The following ZNF568 variants were observed in gnomAD, a reference collection of about 807,000 sequenced individuals.
ZNF568 encodes the protein p53 inhibitor of SCO2 activation.
A neutral mutation model predicts 18.1 loss-of-function variants in ZNF568; 11 were observed. The ratio of observed to expected loss-of-function variants is 0.61; its 90% confidence interval spans 0.38 to 1.00. The LOEUF is 1.00. Among genes scored for constraint, ZNF568 ranks in the 50% least tolerant of loss-of-function variants. The pLI is 0.01. For missense variants in ZNF568, 639 were observed against 768.2 expected (o/e 0.83, Z 1.99); for synonymous variants, 213 against 246.6 (o/e 0.86, Z 1.28).
At position 36,922,826 on chromosome 19, in the gene ZNF568, G is replaced by A; in HGVS notation, c.56G>A (p.Ser19Asn). 2 of 1,614,044 alleles carry A rather than the reference G, an allele frequency of 1.2e-6. No homozygotes were observed. Among genetic ancestry groups the A allele is most frequent in the Non-Finnish European group, 8.5e-7 (1 of 1,179,968 alleles). Residue 19 changes from serine (S) to asparagine (N), a missense_variant, in exon 3 of 7, where the codon AGC (serine) becomes AAC (asparagine). Coordinates refer to ENST00000333987, the MANE Select transcript of ZNF568 (RefSeq NM_198539.4). ...SNSCVTMERL[S>N]HMMERKAWCS... ...AGCTGTGTGACAATGGAGCGTTTGAGCCACATGATGGAAAGGAAAGGTGAG... is the reference window on the plus strand; with the variant it reads ...AGCTGTGTGACAATGGAGCGTTTGAACCACATGATGGAAAGGAAAGGTGAG...
intron 6 of ZNF568, among the ~76,000 whole-genome samples, chr19:36,939,532 C>CT (rs386388962): frequency 0.018 from 1,700 of 92,918 alleles, 109 homozygotes; most frequent in African/African-American, 0.042. Flanking sequence ...TATTTTCTTT[C>CT]TTTTTTTTTT....
At chr19:36,971,659 C>T (rs2074236435) in intron 6 of ZNF568, among the ~76,000 whole-genome samples, 2 of 152,064 alleles carry the variant, frequency 1.3e-5, no homozygotes, top group African/African-American at 2.4e-5. Flanking sequence ...TGGAATGCAC[C>T]TCCTTAGTAG....
At chr19:36,982,757 C>T (rs1600853026), downstream of ZNF568, among the ~76,000 whole-genome samples, 1 of 152,124 alleles carries the variant, frequency 6.6e-6, no homozygotes, top group South Asian at 2.1e-4. Context: ...TCTCTTTAAT[C>T]TGTTAACGTG....
chr19:36,997,279 AC>A (rs1568412496), downstream of ZNF568: 1 of 1,602,576 alleles, frequency 6.2e-7, no homozygotes, highest in Non-Finnish European at 8.5e-7. Flanking sequence ...GAGTGTCCAT[AC>A]TGGGGAGAAA....
rs149081654 is a variant in ZNF568, at chr19:36,959,363, C to G, written c.359-15057C>G. On this transcript the variant is annotated intron_variant, in intron 6 of 7. Coordinates refer to the ZNF568 transcript ENST00000427117. ...ATCTTTGCATCCCTGGTGCAAATCT[C>G]ACTTGATTGTGGTGTATTATCATTT... is the stretch of plus-strand genomic sequence containing the variant. Among the ~76,000 whole-genome samples, 502 of 152,252 alleles carry G rather than the reference C, an allele frequency of 3.3e-3. 5 individuals are homozygous for G. The highest frequency in any genetic ancestry group is 0.012 in the African/African-American group (488 of 41,544).
At chr19:36,991,137 C>T (rs750171344) in intron 2 of ZNF568, 219 of 1,508,292 alleles carry the variant, frequency 1.5e-4, no homozygotes, top group African/African-American at 3.8e-4. Context: ...AGATTTTGTC[C>T]ATGAATTTCA....
chr19:36,957,526 C>T (rs1439138401), downstream of ZNF568, among the ~76,000 whole-genome samples: 1 of 152,324 alleles, frequency 6.6e-6, no homozygotes, highest in Non-Finnish European at 1.5e-5. Context: ...ACACGCCTGG[C>T]TCAAACTGTT....
intron 6 of ZNF568, among the ~76,000 whole-genome samples, chr19:36,961,698 CT>C (rs1179463595): frequency 6.6e-6 from 1 of 151,920 alleles, no homozygotes; most frequent in Non-Finnish European, 1.5e-5. Flanking sequence ...TATTTTTATA[CT>C]TTTAGTAGAG....
chr19:36,981,940 A>ATTT (rs34795424), downstream of ZNF568, among the ~76,000 whole-genome samples: 1 of 149,766 alleles, frequency 6.7e-6, no homozygotes. Flanking sequence ...CTTGCCATTG[A>ATTT]TTTTTTTTTT....
At chr19:36,955,285 TA>T (rs1219461276), downstream of ZNF568, among the ~76,000 whole-genome samples, 1 of 152,164 alleles carries the variant, frequency 6.6e-6, no homozygotes, top group African/African-American at 2.4e-5. Context: ...GCCTGTACTT[TA>T]TATGCCTTAA....
chr19:36,949,673 AGCTTCTATGACT>A lies in ZNF568; in HGVS notation c.522_533del (p.Phe175_Cys178del), dbSNP rs755222056. 5 of 1,613,704 alleles carry A rather than the reference AGCTTCTATGACT, an allele frequency of 3.1e-6. No homozygotes were observed. In the Admixed American group the frequency reaches 8.3e-5, roughly 27 times the overall value. On this transcript the variant is annotated inframe_deletion, in exon 7 of 7. Coordinates refer to ENST00000333987, the MANE Select transcript of ZNF568 (RefSeq NM_198539.4). ...TTCAGACATTGTTACTTCAAGACAA[AGCTTCTATGACT>A]GTGACTCACTTGATAAGGGTTTGGA...
intron 6 of ZNF568, among the ~76,000 whole-genome samples, chr19:36,960,466 A>G (rs1272542065): frequency 1.3e-5 from 2 of 151,746 alleles, no homozygotes; most frequent in Non-Finnish European, 2.9e-5. Context: ...TTCCCTCTTA[A>G]CACTACTTTT....
chr19:36,997,902 A>G (rs1404641892), downstream of ZNF568: 2 of 330,394 alleles, frequency 6.1e-6, no homozygotes, highest in Non-Finnish European at 1.1e-5. Context: ...GACCTCCATG[A>G]ATGTAAAGAA....
Position 36,937,149 on chromosome 19 carries a change from T to C in ZNF568, c.265T>C (p.Cys89Arg), listed in dbSNP as rs546317452. 1 of 1,613,714 alleles carries C rather than the reference T, an allele frequency of 6.2e-7. No individual in the cohort carries two copies. Among genetic ancestry groups the C allele is most frequent in the African/African-American group, 1.3e-5 (1 of 75,034 alleles). ...ENYSNLVTVG[C>R]QVTKPDVIFK... is the part of the protein sequence containing the mutation. ...TCCTTTGCTATTTCTTGTAATAGGC[T>C]GTCAAGTCACCAAACCGGATGTGAT... Residue 89 changes from cysteine to arginine, a missense_variant and splice_region_variant, in exon 6 of 7, where the codon TGT becomes CGT. Cys to Arg is a radical substitution (Grantham distance 180, BLOSUM62 -3). Coordinates refer to ENST00000333987, the MANE Select transcript of ZNF568 (RefSeq NM_198539.4).
chr19:36,983,303 T>G (rs1038509482), downstream of ZNF568, among the ~76,000 whole-genome samples: 1 of 152,142 alleles, frequency 6.6e-6, no homozygotes, highest in Non-Finnish European at 1.5e-5. Flanking sequence ...TTCCTTTTCT[T>G]TTTCCCATGG....
downstream of ZNF568, among the ~76,000 whole-genome samples, chr19:36,983,531 C>A (rs551980746): frequency 6.6e-6 from 1 of 152,214 alleles, no homozygotes; most frequent in African/African-American, 2.4e-5. Flanking sequence ...TCAAAATCTT[C>A]CATATATGAT....
At chr19:36,942,902 G>A (rs1201906677) in intron 6 of ZNF568, among the ~76,000 whole-genome samples, 2 of 152,040 alleles carry the variant, frequency 1.3e-5, no homozygotes, top group East Asian at 3.9e-4. Flanking sequence ...ATTGTGTCAA[G>A]AATGTTGTTT....
chr19:36,954,171 G>A (rs1186107618), downstream of ZNF568, among the ~76,000 whole-genome samples: 1 of 152,140 alleles, frequency 6.6e-6, no homozygotes, highest in Non-Finnish European at 1.5e-5. Context: ...GTTGCAGTGA[G>A]CCAAGATCAC....
chr19:36,951,726 A>C lies in ZNF568; in HGVS notation c.*638A>C, dbSNP rs1312477732. 1 of 130,530 alleles carries C rather than the reference A, an allele frequency of 7.7e-6. No homozygotes were observed. The highest frequency in any genetic ancestry group is 3.0e-5 in the African/African-American group (1 of 33,308). 8.1% of individuals were successfully genotyped at this position (130,530 alleles called of 1,614,324 possible). A position where few individuals can be genotyped will look rare whatever the true frequency, so the allele number is the denominator to read the frequency against. On this transcript the variant is annotated 3_prime_UTR_variant, in exon 7 of 7. Transcript: ENST00000333987. ...CGTCTCACTCTGTCGCCCAGGCTGG[A>C]GTACGGTGGTGCAATCTCAGCTCAC...
Sources: gnomAD v4.1 joint callset for allele counts (sites outside exome capture counted in the v4.1 genomes callset) on GRCh38, gnomAD v4.1.1 for gene constraint, MANE v1.5 for transcripts, NCBI Gene and HGNC (gene_info 2026-07-23, HGNC 2026-07-21) for gene names.